Variants in PPP1R13B observed in about 807,000 individuals in gnomAD.
PPP1R13B encodes protein phosphatase 1 regulatory subunit 13B, also known as apoptosis-stimulating of p53 protein 1.
PPP1R13B carries 44 observed loss-of-function variants against 119.8 expected under a neutral mutation model. The ratio of observed to expected loss-of-function variants is 0.37; its 90% CI spans 0.29 to 0.47. The LOEUF (loss-of-function observed/expected upper bound fraction) is 0.47. Ranked by LOEUF, PPP1R13B falls within the 20% of genes least tolerant of loss-of-function variation. PPP1R13B has a pLI of 0.99. For missense variants in PPP1R13B, 1,227 were observed against 1,413.5 expected (o/e 0.87, Z 2.12); for synonymous variants, 542 against 561.5 (o/e 0.97, Z 0.49).
In PPP1R13B at chr14:103,742,844, T is replaced by C; in HGVS notation, c.1151-21A>G. 1.2e-6 allele frequency: 2 copies of C among 1,612,732 alleles called. No individual in the cohort carries two copies. The highest frequency in any genetic ancestry group is 1.7e-6 in the Non-Finnish European group (2 of 1,179,214). ...ATTAGCTTGAAAAGAACACAGAACT[T>C]ACGTAAAACTTTTCTCAATGTAGTT... is the stretch of plus-strand genomic sequence containing the variant. On this transcript the variant is annotated intron_variant, in intron 9 of 16. Transcript: ENST00000202556. This position sits in a 1 kb window ranked among gnomAD's most constrained non-coding sequence, Gnocchi z 4.9.
At position 103,738,539 on chromosome 14, in the gene PPP1R13B, CT is replaced by C; in HGVS notation, c.2864+139del. ...AAAGGCAAGGAAACCCTGGCAACAG[CT>C]GTCTTTCAAGGATGAAATGATGGGT... On this transcript the variant is annotated intron_variant, in intron 14 of 16. Transcript: ENST00000202556. This position sits in a 1 kb window ranked among gnomAD's most constrained non-coding sequence, Gnocchi z 5.6. 7.5e-7 allele frequency: 1 copy of C among 1,325,974 alleles called. No individual in the cohort carries two copies. Among genetic ancestry groups the C allele is most frequent in the Non-Finnish European group, 1.0e-6 (1 of 974,202 alleles). 82.1% of individuals were successfully genotyped at this position (1,325,974 alleles called of 1,614,324 possible). A position where few individuals can be genotyped will look rare whatever the true frequency, so the allele number is the denominator to read the frequency against.
chr14:103,822,914 C>G (rs537366968), intron 1 of PPP1R13B, among the ~76,000 whole-genome samples: 1 of 152,254 alleles, frequency 6.6e-6, no homozygotes, highest in South Asian at 2.1e-4. Flanking sequence ...CATATCATCC[C>G]CACGTTACAG....
At chr14:103,783,771 G>A (rs188157808) in intron 3 of PPP1R13B, among the ~76,000 whole-genome samples, 2 of 150,486 alleles carry the variant, frequency 1.3e-5, no homozygotes, top group East Asian at 4.0e-4. Context: ...GGATGGTCTC[G>A]AACTACTTGG....
intron 1 of PPP1R13B, among the ~76,000 whole-genome samples, chr14:103,841,403 C>T (rs992752590): frequency 6.6e-6 from 1 of 151,890 alleles, no homozygotes; most frequent in East Asian, 1.9e-4. Flanking sequence ...GCCTGGCCAA[C>T]GCGGTGAAAC....
At chr14:103,825,342 T>G (rs1448183923) in intron 1 of PPP1R13B, among the ~76,000 whole-genome samples, 10 of 152,182 alleles carry the variant, frequency 6.6e-5, no homozygotes, top group Admixed American at 6.5e-4. Flanking sequence ...TGACCATGTC[T>G]GTCACTTTAA....
intron 1 of PPP1R13B, among the ~76,000 whole-genome samples, chr14:103,823,387 C>T (rs574312995): frequency 2.7e-4 from 41 of 151,534 alleles, no homozygotes; most frequent in African/African-American, 9.7e-4. Flanking sequence ...CAGGCCACTG[C>T]TCTCCCTCCA....
At position 103,739,839 on chromosome 14, in the gene PPP1R13B, A is replaced by T. The variant is rs1226560649; in HGVS notation, c.2577T>A (p.Pro859=). 3 of 1,608,430 alleles carry T rather than the reference A, an allele frequency of 1.9e-6. No homozygotes were observed. The change falls in exon 12 of 17, where the codon CCT becomes CCA. Residue 859 remains proline (P), a synonymous_variant. Coordinates refer to ENST00000202556, the MANE Select transcript of PPP1R13B (RefSeq NM_015316.3). The part of the protein sequence containing the change: ...PPAPLPPASH[P]PATSTNKRTN... Reference sequence around the variant, plus strand: ...TGACACCCACCGTGGAGGTGGCAGGAGGGTGGCTGGCAGGGGGAAGAGGTG... The same window carrying T: ...TGACACCCACCGTGGAGGTGGCAGGTGGGTGGCTGGCAGGGGGAAGAGGTG...
Position 103,742,852 on chromosome 14 carries a change from A to C in PPP1R13B, c.1151-29T>G. 6.2e-7 allele frequency: 1 copy of C among 1,611,758 alleles called. No homozygotes were observed. Among genetic ancestry groups the C allele is most frequent in the Non-Finnish European group, 8.5e-7 (1 of 1,178,630 alleles). ...GAAAAGAACACAGAACTTACGTAAAACTTTTCTCAATGTAGTTGAACCAAC... is the reference window on the plus strand; with the variant it reads ...GAAAAGAACACAGAACTTACGTAAACCTTTTCTCAATGTAGTTGAACCAAC... On this transcript the variant is annotated intron_variant, in intron 9 of 16. Transcript: ENST00000202556. This position sits in a 1 kb window ranked among gnomAD's most constrained non-coding sequence, Gnocchi z 4.9.
At chr14:103,793,152 G>T (rs1176171016) in intron 2 of PPP1R13B, among the ~76,000 whole-genome samples, 1 of 148,072 alleles carries the variant, frequency 6.8e-6, no homozygotes, top group Admixed American at 6.7e-5. Flanking sequence ...AGGGAAAGGA[G>T]GGGAAGGGAA....
At chr14:103,764,936 A>C (rs1225549973) in intron 4 of PPP1R13B, among the ~76,000 whole-genome samples, 2 of 152,030 alleles carry the variant, frequency 1.3e-5, no homozygotes, top group South Asian at 4.1e-4. Context: ...CTCCTGCCTC[A>C]ATCTCCCGAG....
Position 103,822,895 on chromosome 14 carries a change from G to T in PPP1R13B, c.9+24404C>A, listed in dbSNP as rs143741119. Among the ~76,000 whole-genome samples the T allele has an allele frequency of 8.1e-4, 124 of 152,290 alleles. 1 individual carries two copies. The highest frequency in any genetic ancestry group is 2.9e-3 in the African/African-American group (120 of 41,552). ...AACCATTTATGACATGCAAATGAAT[G>T]AGGTAGGTCATATCATCCCCACGTT... is the stretch of plus-strand genomic sequence containing the variant. On this transcript the variant is annotated intron_variant, in intron 1 of 16. Coordinates refer to ENST00000202556, the MANE Select transcript of PPP1R13B (RefSeq NM_015316.3).
At chr14:103,784,676 T>A in intron 3 of PPP1R13B, 119 bp downstream of exon 3, 1 of 868,360 alleles carries the variant, frequency 1.2e-6, no homozygotes, top group Non-Finnish European at 1.5e-6. Flanking sequence ...CAACTTTCCC[T>A]CTAGCCACTT....
intron 1 of PPP1R13B, among the ~76,000 whole-genome samples, chr14:103,805,585 AAAG>A (rs762783138): frequency 5.9e-5 from 9 of 151,894 alleles, no homozygotes; most frequent in Non-Finnish European, 1.0e-4. Flanking sequence ...AAAAGGAAGG[AAAG>A]AAGGAAGGAA....
intron 9 of PPP1R13B, among the ~76,000 whole-genome samples, chr14:103,744,443 G>A (rs1043041536): frequency 1.1e-4 from 17 of 152,330 alleles, no homozygotes; most frequent in African/African-American, 4.1e-4. Context: ...GCCCCACCCA[G>A]ACTCCATACC....
chr14:103,788,210 C>G (rs929363240), intron 2 of PPP1R13B, among the ~76,000 whole-genome samples: 2 of 152,250 alleles, frequency 1.3e-5, no homozygotes, highest in Non-Finnish European at 1.5e-5. Flanking sequence ...TTTAGTCTCA[C>G]CATTTTCAAA....
In PPP1R13B at chr14:103,734,104, C is replaced by T. The variant is rs1029852988; in HGVS notation, c.*1050G>A. The T allele has an allele frequency of 1.1e-4, 22 of 207,394 alleles. No homozygotes were observed. Among genetic ancestry groups the T allele is most frequent in the Admixed American group, 1.5e-4 (3 of 19,678 alleles). The allele number at this position is 207,394 out of a possible 1,614,324, so 12.8% of individuals were successfully genotyped here. A position where few individuals can be genotyped will look rare whatever the true frequency, so the allele number is the denominator to read the frequency against. On this transcript the variant is annotated 3_prime_UTR_variant, in exon 17 of 17. Coordinates refer to ENST00000202556, the MANE Select transcript of PPP1R13B (RefSeq NM_015316.3). ...ACGTACAATTCACACCTCAGTGAAGCGCCCTCCTTGCCTTGAGGCTGGGCC... is the reference window on the plus strand; with the variant it reads ...ACGTACAATTCACACCTCAGTGAAGTGCCCTCCTTGCCTTGAGGCTGGGCC...
chr14:103,791,156 C>A (rs2152033699), intron 2 of PPP1R13B, among the ~76,000 whole-genome samples: 1 of 150,932 alleles, frequency 6.6e-6, no homozygotes, highest in Non-Finnish European at 1.5e-5. Context: ...GGGTCTCACT[C>A]TGCCACCCAG....
At chr14:103,822,293 C>T (rs1207897823) in intron 1 of PPP1R13B, among the ~76,000 whole-genome samples, 2 of 152,062 alleles carry the variant, frequency 1.3e-5, no homozygotes, top group Non-Finnish European at 2.9e-5. Flanking sequence ...CACCACCACG[C>T]TAGGCTAATT....
intron 2 of PPP1R13B, among the ~76,000 whole-genome samples, chr14:103,796,340 G>A (rs1389954872): frequency 1.3e-5 from 2 of 152,066 alleles, no homozygotes; most frequent in African/African-American, 2.4e-5. Flanking sequence ...CTCCAGAGAA[G>A]ATATAAAAAT....
Sources: allele counts gnomAD v4.1 joint callset (sites outside exome capture counted in the v4.1 genomes callset), GRCh38; gene constraint gnomAD v4.1.1; non-coding constraint Gnocchi (gnomAD v3.1); transcripts MANE v1.5; gene names NCBI Gene and HGNC (gene_info 2026-07-23, HGNC 2026-07-21).